The following LZTFL1 variants were observed in gnomAD, a reference collection of about 807,000 sequenced individuals.
LZTFL1 encodes leucine zipper transcription factor-like protein 1.
Under a neutral mutation model 45.9 loss-of-function variants are expected in LZTFL1, and 25 were observed. The ratio of observed to expected loss-of-function variants is 0.54; its 90% CI spans 0.40 to 0.76. LZTFL1 has a LOEUF of 0.76. LZTFL1 is among the 30% of genes least tolerant of loss of function. LZTFL1 has a pLI of 0.00. For missense variants in LZTFL1, 277 were observed against 331.1 expected, an observed-to-expected ratio of 0.84 and a Z score of 1.27; for synonymous variants, 93 against 117.4, an observed-to-expected ratio of 0.79 and a Z score of 1.35.
rs557869250 is a variant in LZTFL1, at chr3:45,848,305, G to T, written c.-49+6681C>A. Among the ~76,000 whole-genome samples the T allele has an allele frequency of 3.9e-5, 6 of 152,276 alleles. No individual in the cohort carries two copies. The East Asian group carries it at 1.2e-3, about 29-fold the overall frequency. ...TTTACAATGGTCCTTATGCTGGAGG[G>T]CAGCTGCAGCTGCAGACCTAAATCT... On this transcript the variant is annotated intron_variant, in intron 4 of 4. Transcript: ENST00000472635.
At chr3:45,875,792 G>A (rs924425805) in intron 2 of LZTFL1, among the ~76,000 whole-genome samples, 8 of 152,220 alleles carry the variant, frequency 5.3e-5, no homozygotes, top group Admixed American at 4.6e-4. Flanking sequence ...TATTTGTTAA[G>A]TTTGACCCAG....
chr3:45,911,132 C>T (rs1025304701), intron 2 of LZTFL1, among the ~76,000 whole-genome samples: 2 of 152,206 alleles, frequency 1.3e-5, no homozygotes, highest in African/African-American at 4.8e-5. Flanking sequence ...CCGGAAGCCA[C>T]ACAGTGTCCC....
At chr3:45,840,429 G>C (rs763135651) in intron 1 of LZTFL1, among the ~76,000 whole-genome samples, 1 of 152,144 alleles carries the variant, frequency 6.6e-6, no homozygotes, top group Non-Finnish European at 1.5e-5. Flanking sequence ...CCAGGTTTAG[G>C]TCTAGCTATG....
At chr3:45,897,804 C>G (rs766872747) in intron 2 of LZTFL1, among the ~76,000 whole-genome samples, 2 of 152,044 alleles carry the variant, frequency 1.3e-5, no homozygotes, top group Non-Finnish European at 2.9e-5. Context: ...TCTTTAAAAT[C>G]CATGCTGCTC....
chr3:45,907,882 G>C (rs1283159361), intron 2 of LZTFL1, among the ~76,000 whole-genome samples: 1 of 152,224 alleles, frequency 6.6e-6, no homozygotes, highest in Non-Finnish European at 1.5e-5. Flanking sequence ...CAGAATGAGA[G>C]CTGCGTCTCT....
At chr3:45,865,563 GAATAAAA>G (rs1243008916) in intron 2 of LZTFL1, among the ~76,000 whole-genome samples, 5 of 152,228 alleles carry the variant, frequency 3.3e-5, no homozygotes, top group African/African-American at 4.8e-5. Flanking sequence ...GAAAGGGATG[GAATAAAA>G]GGGAACGTTC....
intron 2 of LZTFL1, 95 bp from the exon 3 acceptor site, chr3:45,835,879 A>T (rs879227322): frequency 2.7e-6 from 2 of 749,472 alleles, no homozygotes; most frequent in Non-Finnish European, 4.2e-6. Context: ...ATGTAATCTA[A>T]GAAATTCAAA....
At chr3:45,868,507 GT>G (rs1701614567) in intron 2 of LZTFL1, among the ~76,000 whole-genome samples, 1 of 152,144 alleles carries the variant, frequency 6.6e-6, no homozygotes, top group African/African-American at 2.4e-5. Flanking sequence ...GTTCACTTAG[GT>G]CAACAGAGAG....
At chr3:45,905,310 A>G (rs1702659316) in intron 2 of LZTFL1, among the ~76,000 whole-genome samples, 1 of 152,214 alleles carries the variant, frequency 6.6e-6, no homozygotes, top group East Asian at 1.9e-4. Flanking sequence ...TCCTGGGACA[A>G]TGAGCTAGTT....
At position 45,901,973 on chromosome 3, in the gene LZTFL1, CA is replaced by C; in HGVS notation, c.-215+11146del. ...GAAACAGTTTCCCCACTGATGGGAC[CA>C]GAGAGAGTGAAAGAGAAAAGAAAAC... On this transcript the variant is annotated intron_variant, in intron 2 of 4. Coordinates refer to the LZTFL1 transcript ENST00000472635. This position sits in a 1 kb window ranked among gnomAD's most constrained non-coding sequence, Gnocchi z 4.3. 2.5e-6 allele frequency: 3 copies of C among 1,212,272 alleles called. No homozygotes were observed. The highest frequency in any genetic ancestry group is 3.5e-6 in the Non-Finnish European group (3 of 863,094). The allele number at this position is 1,212,272 out of a possible 1,614,324, so 75.1% of individuals were successfully genotyped here.
intron 2 of LZTFL1, among the ~76,000 whole-genome samples, chr3:45,899,482 A>G (rs930711842): frequency 1.3e-5 from 2 of 152,256 alleles, no homozygotes; most frequent in African/African-American, 4.8e-5. Context: ...TGTTCAAAAC[A>G]AAATAAAAAC....
chr3:45,832,946 T>A (rs1283389601), intron 5 of LZTFL1, 104 bp downstream of exon 5: 3 of 815,850 alleles, frequency 3.7e-6, no homozygotes, highest in Non-Finnish European at 6.1e-6. Flanking sequence ...ATGGACTAAT[T>A]ATCCTCAGAG....
At chr3:45,905,042 C>T (rs550836435) in intron 2 of LZTFL1, among the ~76,000 whole-genome samples, 176 of 152,260 alleles carry the variant, frequency 1.2e-3, no homozygotes, top group African/African-American at 4.0e-3. Context: ...TCAGGGGCTC[C>T]CCGTGACTTT....
At chr3:45,836,887 C>G (rs891622626) in intron 2 of LZTFL1, among the ~76,000 whole-genome samples, 50 of 152,310 alleles carry the variant, frequency 3.3e-4, no homozygotes, top group African/African-American at 9.9e-4. Flanking sequence ...GAAAAAGCTT[C>G]TGTGTGTGCC....
intron 2 of LZTFL1, among the ~76,000 whole-genome samples, chr3:45,872,772 G>C (rs1270454284): frequency 6.6e-6 from 1 of 152,214 alleles, no homozygotes; most frequent in Non-Finnish European, 1.5e-5. Flanking sequence ...GGTGGCTGTG[G>C]TCTCCTCTCA....
At chr3:45,897,208 T>C (rs1294063286) in intron 2 of LZTFL1, among the ~76,000 whole-genome samples, 1 of 152,204 alleles carries the variant, frequency 6.6e-6, no homozygotes, top group Non-Finnish European at 1.5e-5. Context: ...ATCAGGCATG[T>C]GCAAAACTAT....
intron 4 of LZTFL1, among the ~76,000 whole-genome samples, chr3:45,847,129 C>G (rs1424261921): frequency 6.6e-6 from 1 of 152,196 alleles, no homozygotes; most frequent in African/African-American, 2.4e-5. Context: ...GGTGTGGTGT[C>G]TATTAGCTCT....
intron 2 of LZTFL1, among the ~76,000 whole-genome samples, chr3:45,863,865 AGAAGCTGG>A (rs1370064026): frequency 6.6e-6 from 1 of 152,232 alleles, no homozygotes; most frequent in Non-Finnish European, 1.5e-5. Context: ...GTTTGGACAA[AGAAGCTGG>A]GAAGGACATT....
intron 2 of LZTFL1, among the ~76,000 whole-genome samples, chr3:45,912,137 T>C (rs1480823384): frequency 1.3e-5 from 2 of 152,214 alleles, no homozygotes; most frequent in African/African-American, 4.8e-5. Flanking sequence ...TCCAACCCAC[T>C]TTGAACAAAT....
Sources: gnomAD v4.1 joint callset for allele counts (sites outside exome capture counted in the v4.1 genomes callset) on GRCh38, gnomAD v4.1.1 for gene constraint, Gnocchi (gnomAD v3.1) non-coding constraint, MANE v1.5 for transcripts, NCBI Gene and HGNC (gene_info 2026-07-23, HGNC 2026-07-21) for gene names.